The following CR1 variants were observed in gnomAD, a reference collection of about 807,000 sequenced individuals.
CR1 encodes complement C3b/C4b receptor 1 (Knops blood group), also known as complement receptor type 1.
In CR1, 116 loss-of-function variants were observed where a neutral mutation model predicts 187.3. The observed-to-expected ratio is 0.62, with a 90% CI of 0.53 to 0.72. The LOEUF is 0.72. CR1 is among the 30% of genes least tolerant of loss of function. The pLI is 0.00. For synonymous variants in CR1, 576 were observed against 747.1 expected (o/e 0.77, Z 3.73); for missense variants, 1,731 against 2,110.7 (o/e 0.82, Z 3.52).
At chr1:207,507,456 T>C (rs1243471830) in intron 3 of CR1, 1 of 152,326 alleles carries the variant, frequency 6.6e-6, no homozygotes, top group African/African-American at 2.4e-5. Flanking sequence ...TGTCCTCACA[T>C]GCTGTTTTCC....
rs1240693105 is a variant in CR1, at chr1:207,580,168, C to T, written c.4937-72C>T. On this transcript the variant is annotated intron_variant, in intron 29 of 46. Coordinates refer to ENST00000367049, the MANE Select transcript of CR1 (RefSeq NM_000651.6). ...GTTCTATTTCTCTACCTCTGACTAG[C>T]TATGAGGTCTTCAGGAAGCATAGGA... 1.9e-6 allele frequency: 3 copies of T among 1,574,674 alleles called. No individual in the cohort carries two copies. The African/African-American group carries it at 4.0e-5, about 21-fold the overall frequency.
chr1:207,545,639 TC>T lies in CR1; in HGVS notation c.2479del (p.Gln827SerfsTer16). The T allele has an allele frequency of 6.0e-6, 2 of 334,364 alleles. No individual in the cohort carries two copies. The highest frequency in any genetic ancestry group is 1.1e-5 in the Non-Finnish European group (2 of 184,732). 20.7% of individuals were successfully genotyped at this position (334,364 alleles called of 1,614,324 possible). A position where few individuals can be genotyped will look rare whatever the true frequency, so the allele number is the denominator to read the frequency against. ...GGCCGTGTGCTATTTCCAGTAAATC[TC>T]CAGCTTGGAGCAAAAGTGGATTTTG... The part of the protein sequence containing the change: ...LNGRVLFPVN[L>X]QLGAKVDFVC... On this transcript the variant is annotated frameshift_variant, in exon 15 of 47. Coordinates refer to ENST00000367049, the MANE Select transcript of CR1 (RefSeq NM_000651.6). LOFTEE classifies it high-confidence loss of function.
At chr1:207,621,900 C>T (rs1662324971) in intron 43 of CR1, 73 bp from the exon 44 acceptor site, 1 of 1,260,804 alleles carries the variant, frequency 7.9e-7, no homozygotes, top group East Asian at 2.5e-5. Flanking sequence ...GATGACTTGT[C>T]ACTGGCTGAG....
intron 35 of CR1, among the ~76,000 whole-genome samples, chr1:207,595,647 G>A (rs998349008): frequency 1.3e-5 from 2 of 151,566 alleles, no homozygotes; most frequent in Admixed American, 1.3e-4. Context: ...AAATAAGAAG[G>A]AACCCCAAAC....
intron 21 of CR1, among the ~76,000 whole-genome samples, chr1:207,563,423 G>A (rs1190773521): frequency 1.6e-4 from 1 of 6,252 alleles, no homozygotes; most frequent in Non-Finnish European, 2.6e-4. Flanking sequence ...GATAGGTGAT[G>A]GAGGGACCTA....
intron 1 of CR1, among the ~76,000 whole-genome samples, chr1:207,501,595 T>G (rs1383157858): frequency 1.3e-5 from 2 of 152,206 alleles, no homozygotes; most frequent in Non-Finnish European, 2.9e-5. Context: ...CAACTTTGCT[T>G]TTTATAATTA....
chr1:207,526,069 A>C (rs1371636857), intron 5 of CR1, among the ~76,000 whole-genome samples: 1 of 152,106 alleles, frequency 6.6e-6, no homozygotes, highest in Admixed American at 6.5e-5. Context: ...CTGCCCTTAC[A>C]ATATGTTGCG....
At position 207,609,270 on chromosome 1, in the gene CR1, C is replaced by A; in HGVS notation, c.5897-20C>A. The A allele has an allele frequency of 1.3e-6, 2 of 1,541,660 alleles. No homozygotes were observed. Among genetic ancestry groups the A allele is most frequent in the South Asian group, 1.3e-5 (1 of 79,490 alleles). ...ATTATTAAAAAATAAGCTGTTTTACCATACTCTTCCTTCTCTCAGTCATAT... is the reference window on the plus strand; with the variant it reads ...ATTATTAAAAAATAAGCTGTTTTACAATACTCTTCCTTCTCTCAGTCATAT... On this transcript the variant is annotated intron_variant, in intron 36 of 46. Coordinates refer to ENST00000367049, the MANE Select transcript of CR1 (RefSeq NM_000651.6).
chr1:207,575,643 T>C lies in CR1; in HGVS notation c.4500T>C (p.Asn1500=). ...CTGCTGAATGTATCCTCTCAGGCAATACTGCCCATTGGAGCACGAAGCCGC... is the reference window on the plus strand; with the variant it reads ...CTGCTGAATGTATCCTCTCAGGCAACACTGCCCATTGGAGCACGAAGCCGC... ...HSSAECILSG[N]TAHWSTKPPI... is the part of the protein sequence containing the mutation. Residue 1500 remains asparagine (N), a synonymous_variant, in exon 28 of 47, where the codon AAT becomes AAC. Transcript: ENST00000367049. 6.2e-7 allele frequency: 1 copy of C among 1,611,856 alleles called. No individual in the cohort carries two copies. Among genetic ancestry groups the C allele is most frequent in the African/African-American group, 1.3e-5 (1 of 74,980 alleles).
chr1:207,565,145 G>A lies in CR1; in HGVS notation c.3867-693G>A, dbSNP rs559483947. Among the ~76,000 whole-genome samples, 40 of 150,096 alleles carry A rather than the reference G, an allele frequency of 2.7e-4. 5 individuals are homozygous for A. The highest frequency in any genetic ancestry group is 9.9e-4 in the African/African-American group (39 of 39,592). Reference sequence around the variant, plus strand: ...CACATCTCTACACAGGAGCTGACCGGCATGGGCAACAAAGCACCTGATCCC... The same window carrying A: ...CACATCTCTACACAGGAGCTGACCGACATGGGCAACAAAGCACCTGATCCC... On this transcript the variant is annotated intron_variant, in intron 23 of 46. Coordinates refer to ENST00000367049, the MANE Select transcript of CR1 (RefSeq NM_000651.6).
intron 35 of CR1, among the ~76,000 whole-genome samples, chr1:207,593,305 A>G (rs1342938391): frequency 6.6e-6 from 1 of 152,206 alleles, no homozygotes; most frequent in Non-Finnish European, 1.5e-5. Context: ...ATAATGCCAC[A>G]CATCTACAAC....
At chr1:207,610,542 G>C (rs1661894042) in intron 37 of CR1, among the ~76,000 whole-genome samples, 1 of 152,036 alleles carries the variant, frequency 6.6e-6, no homozygotes, top group Non-Finnish European at 1.5e-5. Context: ...ATGTTGCCCA[G>C]GCTGATCTTG....
At chr1:207,578,224 G>A in intron 29 of CR1, 21 bp downstream of exon 29, 1 of 1,611,818 alleles carries the variant, frequency 6.2e-7, no homozygotes, top group East Asian at 2.2e-5. Flanking sequence ...CTGATGCCTA[G>A]AAGGGCCCTG....
chr1:207,498,890 A>AAAG (rs1558208379), intron 1 of CR1, among the ~76,000 whole-genome samples: 1 of 149,322 alleles, frequency 6.7e-6, no homozygotes, highest in African/African-American at 2.5e-5. Context: ...AAAAAAAAAA[A>AAAG]AAAGAAACAA....
At chr1:207,498,285 C>T (rs1357655161) in intron 1 of CR1, among the ~76,000 whole-genome samples, 1 of 152,194 alleles carries the variant, frequency 6.6e-6, no homozygotes, top group Non-Finnish European at 1.5e-5. Context: ...AGCGAGAAAT[C>T]TCAACTCCTA....
intron 27 of CR1, among the ~76,000 whole-genome samples, chr1:207,573,433 G>A (rs565713255): frequency 6.6e-6 from 1 of 152,020 alleles, no homozygotes; most frequent in African/African-American, 2.4e-5. Context: ...TTTCCTGACT[G>A]TACCCTACTC....
rs1199161799 is a variant in CR1 at position 207,510,746 on chromosome 1, T to TTCC, written c.402-822_402-821insCCT. On this transcript the variant is annotated intron_variant, in intron 3 of 46. Coordinates refer to ENST00000367049, the MANE Select transcript of CR1 (RefSeq NM_000651.6). ...ATCCCCTTCCTTCCTTCCTTCCTTC[T>TTCC]TTCCTTCCTTCCTTCCTTCCTCCCT... Among the ~76,000 whole-genome samples, 179 of 148,552 alleles carry TTCC rather than the reference T, an allele frequency of 1.2e-3. 3 individuals carry two copies. Among genetic ancestry groups the TTCC allele is most frequent in the South Asian group, 4.4e-3 (20 of 4,550 alleles).
chr1:207,579,640 A>G (rs1381589567), intron 29 of CR1, among the ~76,000 whole-genome samples: 1 of 152,216 alleles, frequency 6.6e-6, no homozygotes, highest in Non-Finnish European at 1.5e-5. Flanking sequence ...ATCTGCATTG[A>G]TCCACTCCTT....
intron 32 of CR1, among the ~76,000 whole-genome samples, chr1:207,583,609 T>G (rs1661023854): frequency 6.6e-6 from 1 of 152,232 alleles, no homozygotes; most frequent in Admixed American, 6.5e-5. Context: ...CTTCTGATCA[T>G]AGCTATTAAA....
Sources: gnomAD v4.1 joint callset for allele counts (sites outside exome capture counted in the v4.1 genomes callset) on GRCh38, gnomAD v4.1.1 for gene constraint, MANE v1.5 for transcripts, NCBI Gene and HGNC (gene_info 2026-07-23, HGNC 2026-07-21) for gene names.